The following FURIN variants were observed in gnomAD, a reference collection of about 807,000 sequenced individuals.
FURIN encodes the protein FES upstream region.
In FURIN, 18 loss-of-function variants were observed where a neutral mutation model predicts 89.2. The observed-to-expected ratio is 0.20, with a 90% CI of 0.14 to 0.30. The LOEUF is 0.30. Ranked by LOEUF, FURIN falls within the 10% of genes least tolerant of loss-of-function variation. The pLI is 1.00. For missense variants in FURIN, 879 were observed against 1,100.5 expected, an observed-to-expected ratio of 0.80 and a Z score of 2.85; for synonymous variants, 508 against 466.4, an observed-to-expected ratio of 1.09 and a Z score of -1.15.
At chr15:90,869,895 C>T (rs1211904280) in intron 1 of FURIN, among the ~76,000 whole-genome samples, 1 of 152,230 alleles carries the variant, frequency 6.6e-6, no homozygotes. Flanking sequence ...TGCTCACAGC[C>T]TAAGGAAGAA....
At chr15:90,880,433 C>T (rs1041266730) in intron 13 of FURIN, among the ~76,000 whole-genome samples, 160 bp downstream of exon 13, 1 of 152,254 alleles carries the variant, frequency 6.6e-6, no homozygotes, top group African/African-American at 2.4e-5. Flanking sequence ...GGGACTGTCC[C>T]ATGTTGCAGG....
chr15:90,879,805 GT>G (rs778262789), intron 11 of FURIN, 31 bp downstream of exon 11: 71 of 1,608,434 alleles, frequency 4.4e-5, no homozygotes, highest in Non-Finnish European at 6.0e-5. Context: ...CAGGCTGGAT[GT>G]GGAGTTAGGT....
rs1291704916 is a variant in FURIN at position 90,875,739 on chromosome 15, C to A, written c.-2C>A. 7 of 1,539,074 alleles carry A rather than the reference C, an allele frequency of 4.5e-6. No homozygotes were observed. The highest frequency in any genetic ancestry group is 5.3e-6 in the Non-Finnish European group (6 of 1,139,716). On this transcript the variant is annotated 5_prime_UTR_variant, in exon 2 of 16. Transcript: ENST00000268171. ...CCAGGGTCCCAGCCACCTGTCCCCC[C>A]CATGGAGCTGAGGCCCTGGTTGCTA...
chr15:90,869,057 T>TA (rs1198375552), intron 1 of FURIN, among the ~76,000 whole-genome samples: 6 of 152,126 alleles, frequency 3.9e-5, no homozygotes, highest in Non-Finnish European at 8.8e-5. Flanking sequence ...GATTTAGGAC[T>TA]ATGTGATTCT....
rs2031987207 is a variant in FURIN, at chr15:90,881,701, G to A, written c.2208G>A (p.Leu736=). Residue 736 remains leucine, a synonymous_variant, in exon 16 of 16, where the codon CTG becomes CTA. Transcript: ENST00000268171. The surrounding 1 kb of genome is among the most constrained non-coding windows in gnomAD (Gnocchi z 4.3). ...TCTTCGTCACTGTCTTCCTGGTCCTGCAGCTGCGCTCTGGCTTTAGTTTTC... is the reference window on the plus strand; with the variant it reads ...TCTTCGTCACTGTCTTCCTGGTCCTACAGCTGCGCTCTGGCTTTAGTTTTC... ...VLVFVTVFLV[L]QLRSGFSFRG... The A allele has an allele frequency of 6.3e-7, 1 of 1,590,912 alleles. No individual in the cohort carries two copies. Among genetic ancestry groups the A allele is most frequent in the Non-Finnish European group, 8.6e-7 (1 of 1,167,066 alleles).
Position 90,877,541 on chromosome 15 carries a change from G to A in FURIN, c.593G>A (p.Cys198Tyr). 2 of 1,576,404 alleles carry A rather than the reference G, an allele frequency of 1.3e-6. No homozygotes were observed. Among genetic ancestry groups the A allele is most frequent in the Middle Eastern group, 1.7e-4 (1 of 6,012 alleles). The stretch of plus-strand genomic sequence containing the variant: ...GGCCCTGGCAGGCACGGCACACGGT[G>A]TGCGGGGGAAGTGGCTGCGGTGGCC... Reference protein sequence around the residue: ...QMNDNRHGTRCAGEVAAVANN... With the variant: ...QMNDNRHGTRYAGEVAAVANN... The change falls in exon 7 of 16, where the codon TGT becomes TAT. Residue 198 changes from cysteine to tyrosine, a missense_variant. This residue lies in a region of FURIN where 139 missense variants were observed against 215.0 expected (regional missense o/e 0.65). Transcript: ENST00000268171.
At position 90,875,830 on chromosome 15, in the gene FURIN, C is replaced by T. The variant is rs867983726; in HGVS notation, c.90C>T (p.Phe30=). 6.4e-6 allele frequency: 10 copies of T among 1,572,440 alleles called. No individual in the cohort carries two copies. The highest frequency in any genetic ancestry group is 8.6e-6 in the Non-Finnish European group (10 of 1,158,690). The change falls in exon 2 of 16, where the codon TTC becomes TTT. Residue 30 remains phenylalanine, a synonymous_variant. Coordinates refer to ENST00000268171, the MANE Select transcript of FURIN (RefSeq NM_002569.4). The part of the protein sequence containing the change: ...LAADAQGQKV[F]TNTWAVRIPG... ...CTGATGCTCAGGGCCAGAAGGTCTT[C>T]ACCAACACGTGGGCTGTGCGCATCC...
chr15:90,880,852 G>T, intron 14 of FURIN, 37 bp downstream of exon 14: 1 of 1,611,428 alleles, frequency 6.2e-7, no homozygotes, highest in East Asian at 2.2e-5. Flanking sequence ...GTACGAGGTG[G>T]AGGGCTGGCA....
chr15:90,881,563 G>C lies in FURIN; in HGVS notation c.2070G>C (p.Gln690His). ...QSSRESPPQQ[Q>H]PPRLPPEVEA... ...GCCGAGAGTCCCCGCCACAGCAGCA[G>C]CCACCTCGGCTGCCCCCGGAGGTGG... The change falls in exon 16 of 16, where the codon CAG (glutamine) becomes CAC (histidine). Residue 690 changes from glutamine to histidine, a missense_variant. This residue lies in a region of FURIN where 457 missense variants were observed against 490.7 expected (regional missense o/e 0.93). Transcript: ENST00000268171. The surrounding 1 kb of genome is among the most constrained non-coding windows in gnomAD (Gnocchi z 4.3). 1 of 1,612,050 alleles carries C rather than the reference G, an allele frequency of 6.2e-7. No homozygotes were observed. The highest frequency in any genetic ancestry group is 8.5e-7 in the Non-Finnish European group (1 of 1,179,168).
chr15:90,881,000 C>T lies in FURIN; in HGVS notation c.1752C>T (p.Ser584=), dbSNP rs2031932188. ...AGGGGCTGCCCGTACCTCCAGAAAG[C>T]AGTGGCTGCAAGACCCTCACGTCCA... ...APEGLPVPPE[S]SGCKTLTSSQ... is the part of the protein sequence containing the mutation. Residue 584 remains serine, a synonymous_variant, in exon 15 of 16, where the codon AGC becomes AGT. Coordinates refer to ENST00000268171, the MANE Select transcript of FURIN (RefSeq NM_002569.4). 6.2e-7 allele frequency: 1 copy of T among 1,614,030 alleles called. No homozygotes were observed. Among genetic ancestry groups the T allele is most frequent in the Non-Finnish European group, 8.5e-7 (1 of 1,179,874 alleles).
rs201422571 is a variant in FURIN, at chr15:90,880,857, C to G, written c.1681+42C>G. On this transcript the variant is annotated intron_variant, in intron 14 of 15. Transcript: ENST00000268171. ...AGGGGTAGGGGTACGAGGTGGAGGGCTGGCAGGATCTCGAGCACTGGGTGT... is the reference window on the plus strand; with the variant it reads ...AGGGGTAGGGGTACGAGGTGGAGGGGTGGCAGGATCTCGAGCACTGGGTGT... 26 of 1,610,694 alleles carry G rather than the reference C, an allele frequency of 1.6e-5. 1 individual carries two copies. In the East Asian group the frequency reaches 2.0e-4, roughly 12 times the overall value.
rs549364076 is a variant in FURIN at position 90,876,205 on chromosome 15, C to G, written c.178-50C>G. 282 of 1,305,054 alleles carry G rather than the reference C, an allele frequency of 2.2e-4. 2 individuals carry two copies. In the East Asian group the frequency reaches 6.4e-3, roughly 30 times the overall value. The allele number at this position is 1,305,054 out of a possible 1,614,324, so 80.8% of individuals were successfully genotyped here. On this transcript the variant is annotated intron_variant, in intron 2 of 15. Transcript: ENST00000268171. The surrounding 1 kb of genome is among the most constrained non-coding windows in gnomAD (Gnocchi z 5.0). ...TTGTCCACCCCCGTCCCCCGCCTCC[C>G]GGGGACTGACAGATGGAAAGCCCAG...
At chr15:90,879,108 T>A (rs1012744453) in intron 9 of FURIN, 132 bp downstream of exon 9, 2 of 641,178 alleles carry the variant, frequency 3.1e-6, no homozygotes, top group Admixed American at 2.6e-5. Flanking sequence ...TCATGCAACA[T>A]GAACTCTGGG....
intron 1 of FURIN, among the ~76,000 whole-genome samples, chr15:90,875,184 G>A (rs557733020): frequency 1.3e-5 from 2 of 151,956 alleles, no homozygotes; most frequent in Admixed American, 6.6e-5. Flanking sequence ...ACAAGCACCC[G>A]CCACCACACT....
rs746543673 is a variant in FURIN, at chr15:90,881,269, C to T, written c.1793-17C>T. 2.6e-6 allele frequency: 4 copies of T among 1,562,894 alleles called. 1 individual carries two copies. The highest frequency in any genetic ancestry group is 8.7e-7 in the Non-Finnish European group (1 of 1,145,962). ...TGTTTAGCTGACACACACTTGCCCT[C>T]TCTCCCACGCCGGCAGTGTGCGAGG... On this transcript the variant is annotated splice_polypyrimidine_tract_variant and intron_variant, in intron 15 of 15. Transcript: ENST00000268171. This position sits in a 1 kb window ranked among gnomAD's most constrained non-coding sequence, Gnocchi z 4.3.
In FURIN at chr15:90,881,048, G is replaced by A; in HGVS notation, c.1792+8G>A. 1.3e-6 allele frequency: 2 copies of A among 1,595,620 alleles called. No homozygotes were observed. Among genetic ancestry groups the A allele is most frequent in the Non-Finnish European group, 1.7e-6 (2 of 1,163,116 alleles). On this transcript the variant is annotated splice_region_variant and intron_variant, in intron 15 of 15. Coordinates refer to ENST00000268171, the MANE Select transcript of FURIN (RefSeq NM_002569.4). The surrounding 1 kb of genome is among the most constrained non-coding windows in gnomAD (Gnocchi z 4.3). The stretch of plus-strand genomic sequence containing the variant: ...CCAGTCAGGCCTGTGTGGGTCAGTA[G>A]TGGGTGCTGTTGGGCTTTGGGGGCC...
Position 90,876,749 on chromosome 15 carries a change from C to T in FURIN, c.373-147C>T, listed in dbSNP as rs2031653733. On this transcript the variant is annotated intron_variant, in intron 4 of 15. Transcript: ENST00000268171. This position sits in a 1 kb window ranked among gnomAD's most constrained non-coding sequence, Gnocchi z 5.0. Reference sequence around the variant, plus strand: ...GCCCTCCCAGAGTCCTCTACATTCCCATGGAGTCCAGACAGCCAGTGGCGG... The same window carrying T: ...GCCCTCCCAGAGTCCTCTACATTCCTATGGAGTCCAGACAGCCAGTGGCGG... 1.1e-6 allele frequency: 1 copy of T among 938,258 alleles called. No individual in the cohort carries two copies. The highest frequency in any genetic ancestry group is 2.2e-5 in the Admixed American group (1 of 44,472). The allele number at this position is 938,258 out of a possible 1,614,324, so 58.1% of individuals were successfully genotyped here. A position where few individuals can be genotyped will look rare whatever the true frequency, so the allele number is the denominator to read the frequency against.
rs1209725196 is a variant in FURIN, at chr15:90,876,813, G to A, written c.373-83G>A. 106 of 1,472,168 alleles carry A rather than the reference G, an allele frequency of 7.2e-5. No individual in the cohort carries two copies. Among genetic ancestry groups the A allele is most frequent in the Non-Finnish European group, 4.0e-5 (43 of 1,062,562 alleles). The allele number at this position is 1,472,168 out of a possible 1,614,324, so 91.2% of individuals were successfully genotyped here. Reference sequence around the variant, plus strand: ...GGGATGGTACAGGAGGAGGTTTTACGGGGGCAAAGGGATTCTTCAAGATGC... The same window carrying A: ...GGGATGGTACAGGAGGAGGTTTTACAGGGGCAAAGGGATTCTTCAAGATGC... On this transcript the variant is annotated intron_variant, in intron 4 of 15. Coordinates refer to ENST00000268171, the MANE Select transcript of FURIN (RefSeq NM_002569.4). This position sits in a 1 kb window ranked among gnomAD's most constrained non-coding sequence, Gnocchi z 5.0.
chr15:90,878,011 C>T, intron 7 of FURIN, 121 bp from the exon 8 acceptor site: 1 of 884,078 alleles, frequency 1.1e-6, no homozygotes, highest in African/African-American at 1.7e-5. Context: ...TTCTCAGCAT[C>T]AGCCTCCACC....
Sources: gnomAD v4.1 joint callset for allele counts (sites outside exome capture counted in the v4.1 genomes callset) on GRCh38, gnomAD v4.1.1 for gene constraint, gnomAD v4.1.1 regional missense constraint, Gnocchi (gnomAD v3.1) non-coding constraint, MANE v1.5 for transcripts, NCBI Gene and HGNC (gene_info 2026-07-23, HGNC 2026-07-21) for gene names.